The following NDUFS1 variants were observed in gnomAD, a reference collection of about 807,000 sequenced individuals.
NDUFS1 encodes the protein NADH:ubiquinone oxidoreductase core subunit S1.
NDUFS1 carries 61 observed loss-of-function variants against 84.4 expected under a neutral mutation model. The ratio of observed to expected loss-of-function variants is 0.72; its 90% CI spans 0.59 to 0.89. The LOEUF is 0.89. NDUFS1 is among the 40% of genes least tolerant of loss of function. The pLI is 0.00. For missense variants in NDUFS1, 891 were observed against 890.0 expected (o/e 1.00, Z -0.01); for synonymous variants, 275 against 290.0 (o/e 0.95, Z 0.53).
intron 2 of NDUFS1, among the ~76,000 whole-genome samples, chr2:206,153,098 T>G (rs899172213): frequency 6.6e-6 from 1 of 151,630 alleles, no homozygotes; most frequent in Non-Finnish European, 1.5e-5. Context: ...CATTGATGTG[T>G]GTAGTTCCTA....
intron 1 of NDUFS1, among the ~76,000 whole-genome samples, chr2:206,154,626 T>C (rs1256796684): frequency 6.6e-6 from 1 of 152,192 alleles, no homozygotes; most frequent in African/African-American, 2.4e-5. Context: ...TTATTTGTTT[T>C]TGTTTGTTTG....
rs535369121 is a variant in NDUFS1 at position 206,129,957 on chromosome 2, AAGG to A, written c.1708+128_1708+130del. On this transcript the variant is annotated intron_variant, in intron 15 of 18. Transcript: ENST00000233190. ...AACACTTGTGGTTTGTTTAAAAAAA[AAGG>A]AGGAGGAGTGGGGGAGGCAAAATTC... 7.3e-3 allele frequency: 7,026 copies of A among 966,314 alleles called. 38 individuals carry two copies. The highest frequency in any genetic ancestry group is 0.011 in the South Asian group (814 of 71,720). 59.9% of individuals were successfully genotyped at this position (966,314 alleles called of 1,614,324 possible).
chr2:206,140,095 A>C (rs1440236773), intron 12 of NDUFS1, among the ~76,000 whole-genome samples: 1 of 152,204 alleles, frequency 6.6e-6, no homozygotes, highest in East Asian at 1.9e-4. Flanking sequence ...TATTACTCCC[A>C]GCACTTTCAG....
At position 206,147,819 on chromosome 2, in the gene NDUFS1, C is replaced by CTCCA; in HGVS notation, c.350_353dup (p.Glu118AspfsTer16). ...CCAATGGGTGATTTGCTAATAAGAA[C>CTCCA]TCCATCACACCTTCCCTGTATGAAA... On this transcript the variant is annotated frameshift_variant, in exon 6 of 19. Transcript: ENST00000233190. LOFTEE classifies it high-confidence loss of function. 6.2e-7 allele frequency: 1 copy of CTCCA among 1,613,862 alleles called. No homozygotes were observed. Among genetic ancestry groups the CTCCA allele is most frequent in the Non-Finnish European group, 8.5e-7 (1 of 1,179,722 alleles).
intron 12 of NDUFS1, among the ~76,000 whole-genome samples, chr2:206,141,427 G>A (rs981311078): frequency 5.9e-4 from 89 of 151,994 alleles, no homozygotes; most frequent in African/African-American, 2.0e-3. Context: ...AGCTACTCGG[G>A]AGGCTGAGGC....
In NDUFS1 at chr2:206,159,395, C is replaced by T. The variant is rs1000178857; in HGVS notation, c.-59G>A. On this transcript the variant is annotated 5_prime_UTR_variant, in exon 1 of 19. Transcript: ENST00000233190. Reference sequence around the variant, plus strand: ...GCTAAACTGTCTGGACCACGACGACCCCCTAGGAGGCCGGGTCGCTTATTC... The same window carrying T: ...GCTAAACTGTCTGGACCACGACGACTCCCTAGGAGGCCGGGTCGCTTATTC... 12 of 518,366 alleles carry T rather than the reference C, an allele frequency of 2.3e-5. No homozygotes were observed. The highest frequency in any genetic ancestry group is 6.1e-5 in the East Asian group (2 of 32,560). The allele number at this position is 518,366 out of a possible 1,614,324, so 32.1% of individuals were successfully genotyped here. A position where few individuals can be genotyped will look rare whatever the true frequency, so the allele number is the denominator to read the frequency against.
intron 8 of NDUFS1, among the ~76,000 whole-genome samples, chr2:206,145,744 T>G (rs549626805): frequency 4.4e-4 from 67 of 152,256 alleles, no homozygotes; most frequent in African/African-American, 1.4e-3. Flanking sequence ...CTCCACCCCC[T>G]CAAAATGGAA....
Position 206,149,110 on chromosome 2 carries a change from GAAA to G in NDUFS1, c.262-17_262-15del. ...AGCAGCTACAACCTGGGATTTCAAT[GAAA>G]AAAAAAAATGTGTATTTGTATTTAT... On this transcript the variant is annotated splice_polypyrimidine_tract_variant and intron_variant, in intron 4 of 18. Coordinates refer to ENST00000233190, the MANE Select transcript of NDUFS1 (RefSeq NM_005006.7). 7.6e-7 allele frequency: 1 copy of G among 1,312,806 alleles called. No homozygotes were observed. The highest frequency in any genetic ancestry group is 1.0e-6 in the Non-Finnish European group (1 of 971,192). The allele number at this position is 1,312,806 out of a possible 1,614,324, so 81.3% of individuals were successfully genotyped here.
chr2:206,159,073 G>A (rs374300471), intron 1 of NDUFS1: 164 of 1,535,360 alleles, frequency 1.1e-4, no homozygotes, highest in African/African-American at 1.8e-4. Flanking sequence ...TCCCTGCAGA[G>A]GGAAGGTCAC....
Position 206,133,066 on chromosome 2 carries a change from T to A in NDUFS1, c.1432A>T (p.Ser478Cys), listed in dbSNP as rs1235228088. The change falls in exon 14 of 19, where the codon AGT (serine) becomes TGT (cysteine). Residue 478 changes from serine (S) to cysteine (C), a missense_variant. By Grantham distance (112) the Ser-to-Cys change is moderately radical. Transcript: ENST00000233190. ...CCATCATTTCTTTGGAGTGCAGAAC[T>A]GCCTAAAACCACCATTGGTTTTTTA... ...EAKKPMVVLG[S>C]SALQRNDGAA... 3.7e-6 allele frequency: 6 copies of A among 1,613,604 alleles called. No individual in the cohort carries two copies. The African/African-American group carries it at 8.0e-5, about 22-fold the overall frequency.
At chr2:206,132,017 T>C (rs1559046392) in intron 14 of NDUFS1, among the ~76,000 whole-genome samples, 1 of 151,524 alleles carries the variant, frequency 6.6e-6, no homozygotes, top group East Asian at 1.9e-4. Context: ...CCAGCTTACT[T>C]GGGAGGCTGA....
rs1691085326 is a variant in NDUFS1 at position 206,121,197 on chromosome 2, TA to T, written c.*2987del. The T allele has an allele frequency of 6.6e-6, 1 of 152,210 alleles. No individual in the cohort carries two copies. Among genetic ancestry groups the T allele is most frequent in the South Asian group, 2.1e-4 (1 of 4,828 alleles). 9.4% of individuals were successfully genotyped at this position (152,210 alleles called of 1,614,324 possible). On this transcript the variant is annotated 3_prime_UTR_variant, in exon 19 of 19. Transcript: ENST00000233190. ...GTCTTTCTAGATTGCCTTATTCACC[TA>T]AAGAGACTTGATCTTGAGCCTTTGT...
intron 4 of NDUFS1, 165 bp downstream of exon 4, chr2:206,149,644 TGTGTTTCCA>T: frequency 8.0e-6 from 5 of 628,828 alleles, no homozygotes; most frequent in Non-Finnish European, 1.1e-5. Context: ...CTTCTATCTA[TGTGTTTCCA>T]GTTTTGAAAT....
At chr2:206,140,943 T>TATATACACACACACACACACACAC (rs367723817) in intron 12 of NDUFS1, among the ~76,000 whole-genome samples, 92 of 136,128 alleles carry the variant, frequency 6.8e-4, no homozygotes, top group African/African-American at 2.2e-3. Context: ...TATATATATA[T>TATATACACACACACACACACACAC]ACACACACAC....
chr2:206,139,206 GA>G (rs1691840175), intron 12 of NDUFS1, among the ~76,000 whole-genome samples: 1 of 151,768 alleles, frequency 6.6e-6, no homozygotes, highest in African/African-American at 2.4e-5. Flanking sequence ...TTATTTTTGA[GA>G]GAGAGTCTCA....
intron 11 of NDUFS1, 98 bp downstream of exon 11, chr2:206,142,588 T>A (rs975215516): frequency 2.6e-5 from 37 of 1,446,858 alleles, no homozygotes; most frequent in Admixed American, 8.9e-5. Context: ...GAAAATAAAC[T>A]GGGGGATATG....
rs750023429 is a variant in NDUFS1, at chr2:206,133,119, A to G, written c.1393-14T>C. 3.8e-6 allele frequency: 6 copies of G among 1,591,656 alleles called. No individual in the cohort carries two copies. Among genetic ancestry groups the G allele is most frequent in the Non-Finnish European group, 5.1e-6 (6 of 1,168,436 alleles). Reference sequence around the variant, plus strand: ...TTCCTTTAGGACCTATTTAAAAAAAAAAACAACTTTGATTTTAAAATATTA... The same window carrying G: ...TTCCTTTAGGACCTATTTAAAAAAAGAAACAACTTTGATTTTAAAATATTA... On this transcript the variant is annotated splice_polypyrimidine_tract_variant and intron_variant, in intron 13 of 18. Coordinates refer to ENST00000233190, the MANE Select transcript of NDUFS1 (RefSeq NM_005006.7).
At chr2:206,147,137 T>A (rs1279050737) in intron 7 of NDUFS1, 49 bp from the exon 8 acceptor site, 7 of 1,561,270 alleles carry the variant, frequency 4.5e-6, no homozygotes, top group Non-Finnish European at 6.2e-6. Flanking sequence ...GCAAAATTAT[T>A]TCCTTTCTTA....
At chr2:206,157,854 C>T (rs1001719577) in intron 1 of NDUFS1, among the ~76,000 whole-genome samples, 3 of 152,038 alleles carry the variant, frequency 2.0e-5, no homozygotes, top group Non-Finnish European at 4.4e-5. Flanking sequence ...CATATAGGGA[C>T]TATGCTATTC....
Sources: allele counts gnomAD v4.1 joint callset (sites outside exome capture counted in the v4.1 genomes callset), GRCh38; gene constraint gnomAD v4.1.1; transcripts MANE v1.5; gene names NCBI Gene and HGNC (gene_info 2026-07-23, HGNC 2026-07-21).